Variants in COL21A1 observed in about 807,000 individuals in gnomAD.
COL21A1 encodes collagen type XXI alpha 1 chain, also known as collagen alpha-1(XXI) chain.
COL21A1 carries 149 observed loss-of-function variants against 137.9 expected under a neutral mutation model. The observed-to-expected ratio is 1.08, with a 90% CI of 0.95 to 1.24. The LOEUF (loss-of-function observed/expected upper bound fraction) is 1.24. Among genes scored for constraint, COL21A1 ranks in the 50% most tolerant of loss-of-function variants. The pLI, the probability that COL21A1 is intolerant of heterozygous loss-of-function variation, is 0.00. For synonymous variants in COL21A1, 456 were observed against 391.5 expected, an observed-to-expected ratio of 1.16 and a Z score of -1.95; for missense variants, 1,167 against 1,158.4, an observed-to-expected ratio of 1.01 and a Z score of -0.11.
intron 20 of COL21A1, among the ~76,000 whole-genome samples, chr6:56,071,839 TATGTGCAGG>T (rs1055823921): frequency 1.3e-5 from 2 of 151,580 alleles, no homozygotes; most frequent in African/African-American, 4.8e-5. Flanking sequence ...TTCTGGGTTA[TATGTGCAGG>T]ATGTGCAGGT....
rs997472078 is a variant in COL21A1 at position 56,096,930 on chromosome 6, AT to A, written c.1812+4541del. Among the ~76,000 whole-genome samples, 23 of 151,978 alleles carry A rather than the reference AT, an allele frequency of 1.5e-4. No individual in the cohort carries two copies. The South Asian group carries it at 2.1e-3, about 14-fold the overall frequency. On this transcript the variant is annotated intron_variant, in intron 17 of 29. Coordinates refer to ENST00000244728, the MANE Select transcript of COL21A1 (RefSeq NM_030820.4). ...GTCACAAAATATATAAACTTTATGG[AT>A]TTTTTTTCTATTTTCAAAGCTTTTC... is the stretch of plus-strand genomic sequence containing the variant.
intron 16 of COL21A1, among the ~76,000 whole-genome samples, chr6:56,104,305 A>G (rs946826124): frequency 2.6e-5 from 4 of 152,166 alleles, no homozygotes; most frequent in Admixed American, 1.3e-4. Flanking sequence ...TGGGAAAAAC[A>G]TTTGTGGATA....
chr6:56,374,137 T>G (rs1017023580), intron 1 of COL21A1, among the ~76,000 whole-genome samples: 11 of 152,202 alleles, frequency 7.2e-5, no homozygotes, highest in Middle Eastern at 3.2e-3. Context: ...GGAAGGATAC[T>G]TTCTTTTTGG....
chr6:56,117,075 T>C (rs186377592), intron 16 of COL21A1, among the ~76,000 whole-genome samples: 1 of 151,910 alleles, frequency 6.6e-6, no homozygotes, highest in Non-Finnish European at 1.5e-5. Flanking sequence ...AATAACAACA[T>C]AACAGGAGTA....
At chr6:56,101,780 G>A (rs1770481795) in intron 16 of COL21A1, among the ~76,000 whole-genome samples, 1 of 152,110 alleles carries the variant, frequency 6.6e-6, no homozygotes, top group Non-Finnish European at 1.5e-5. Context: ...GTACTGTATA[G>A]TCATTCTTAT....
At chr6:56,312,381 G>A (rs1764633245) in intron 1 of COL21A1, among the ~76,000 whole-genome samples, 1 of 152,172 alleles carries the variant, frequency 6.6e-6, no homozygotes, top group Non-Finnish European at 1.5e-5. Context: ...ATTGGCCATG[G>A]GAGAAGGGGT....
intron 1 of COL21A1, among the ~76,000 whole-genome samples, chr6:56,364,674 T>C (rs1412490126): frequency 6.6e-6 from 1 of 152,058 alleles, no homozygotes; most frequent in East Asian, 1.9e-4. Context: ...GGGCAACAAT[T>C]TACTTCTCCC....
chr6:56,164,414 G>A lies in COL21A1; in HGVS notation c.1371+9C>T, dbSNP rs568464754. On this transcript the variant is annotated intron_variant, in intron 9 of 29. Transcript: ENST00000244728. ...TTTTAACAAAAACAGCAAGTTAGGT[G>A]TTACCCACTTTGGGGCCTTGAAGTC... is the stretch of plus-strand genomic sequence containing the variant. 1 of 1,560,206 alleles carries A rather than the reference G, an allele frequency of 6.4e-7. No homozygotes were observed. The highest frequency in any genetic ancestry group is 2.3e-5 in the East Asian group (1 of 42,922).
intron 1 of COL21A1, among the ~76,000 whole-genome samples, chr6:56,281,649 C>T (rs186608510): frequency 1.3e-5 from 2 of 152,198 alleles, no homozygotes; most frequent in African/African-American, 4.8e-5. Flanking sequence ...TTTCTTTATC[C>T]CCATTAGCTT....
intron 3 of COL21A1, among the ~76,000 whole-genome samples, chr6:56,175,482 G>T (rs548225895): frequency 5.5e-4 from 83 of 152,080 alleles, no homozygotes; most frequent in Non-Finnish European, 8.7e-4. Context: ...AAAATCAGTT[G>T]TGTTTCTATT....
intron 1 of COL21A1, among the ~76,000 whole-genome samples, chr6:56,245,200 T>G (rs555376657): frequency 6.6e-6 from 1 of 152,302 alleles, no homozygotes; most frequent in African/African-American, 2.4e-5. Flanking sequence ...AGATGCTCTC[T>G]CATTTGGATT....
At chr6:56,111,268 G>A (rs777641897) in intron 16 of COL21A1, among the ~76,000 whole-genome samples, 22 of 151,924 alleles carry the variant, frequency 1.4e-4, no homozygotes, top group Non-Finnish European at 2.8e-4. Context: ...TCAAAGTCAT[G>A]ACAGACAAGA....
Position 56,124,044 on chromosome 6 carries a change from T to A in COL21A1, c.1758+18A>T. 5.4e-6 allele frequency: 8 copies of A among 1,493,388 alleles called. No individual in the cohort carries two copies. The highest frequency in any genetic ancestry group is 7.1e-6 in the Non-Finnish European group (8 of 1,126,740). 92.5% of individuals were successfully genotyped at this position (1,493,388 alleles called of 1,614,324 possible). ...AAAAATCTTTTTGTTTTGTCCTTTT[T>A]TTTTTTTTTATAAATACCTTGAAAC... is the stretch of plus-strand genomic sequence containing the variant. On this transcript the variant is annotated intron_variant, in intron 16 of 29. Coordinates refer to ENST00000244728, the MANE Select transcript of COL21A1 (RefSeq NM_030820.4).
chr6:56,336,693 G>A (rs1234279101), intron 1 of COL21A1, among the ~76,000 whole-genome samples: 3 of 152,144 alleles, frequency 2.0e-5, no homozygotes, highest in African/African-American at 7.2e-5. Flanking sequence ...TTTTCTTAAG[G>A]AGTTATACAA....
intron 12 of COL21A1, among the ~76,000 whole-genome samples, chr6:56,138,209 AT>A (rs903461931): frequency 6.6e-6 from 1 of 151,692 alleles, no homozygotes; most frequent in African/African-American, 2.4e-5. Flanking sequence ...GAAGCAAAAT[AT>A]TTTTTAGAAA....
intron 1 of COL21A1, among the ~76,000 whole-genome samples, chr6:56,336,362 C>T (rs913098366): frequency 6.6e-5 from 10 of 151,968 alleles, no homozygotes; most frequent in East Asian, 1.9e-4. Context: ...GTAACTTAAC[C>T]GAAGATATGG....
At chr6:56,182,352 T>C (rs762444794) in intron 2 of COL21A1, among the ~76,000 whole-genome samples, 179 bp downstream of exon 2, 22 of 152,204 alleles carry the variant, frequency 1.4e-4, no homozygotes, top group Non-Finnish European at 3.1e-4. Flanking sequence ...CTCAAAATTA[T>C]CTCTGAGGGA....
rs547824855 is a variant in COL21A1, at chr6:56,150,589, G to A, written c.1434+6298C>T. On this transcript the variant is annotated intron_variant, in intron 10 of 29. Transcript: ENST00000244728. The stretch of plus-strand genomic sequence containing the variant: ...ACAAGAGTGGGGGGAACTGAATCAC[G>A]AACTGTGACCCAGTGACCAATCCAC... Among the ~76,000 whole-genome samples, 4 of 147,628 alleles carry A rather than the reference G, an allele frequency of 2.7e-5. No homozygotes were observed. The South Asian group carries it at 8.5e-4, about 32-fold the overall frequency.
chr6:56,126,149 C>A lies in COL21A1; in HGVS notation c.1543G>T (p.Gly515Cys). 3 of 1,543,264 alleles carry A rather than the reference C, an allele frequency of 1.9e-6. No homozygotes were observed. Among genetic ancestry groups the A allele is most frequent in the Non-Finnish European group, 2.6e-6 (3 of 1,140,682 alleles). ...KGEPGRDGDK[G>C]DRGLPGFPGL... is the part of the protein sequence containing the mutation. Reference sequence around the variant, plus strand: ...GGAAAACCAGGAAGTCCACGATCACCCTGAAAATAAAACTGAAATTAATTA... The same window carrying A: ...GGAAAACCAGGAAGTCCACGATCACACTGAAAATAAAACTGAAATTAATTA... Residue 515 changes from glycine (G) to cysteine (C), a missense_variant and splice_region_variant, in exon 13 of 30, where the codon GGT becomes TGT. Physicochemically the swap from Gly to Cys is radical, Grantham distance 159. Transcript: ENST00000244728.
Sources: allele counts gnomAD v4.1 joint callset (sites outside exome capture counted in the v4.1 genomes callset), GRCh38; gene constraint gnomAD v4.1.1; transcripts MANE v1.5; gene names NCBI Gene and HGNC (gene_info 2026-07-23, HGNC 2026-07-21).